Variants in SORCS3 observed in about 807,000 individuals in gnomAD.
SORCS3 encodes VPS10 domain-containing receptor SorCS3.
In SORCS3, 57 loss-of-function variants were observed where a neutral mutation model predicts 146.3. The observed-to-expected ratio is 0.39, with a 90% CI of 0.31 to 0.49. The LOEUF is 0.49. SORCS3 is among the 20% of genes least tolerant of loss of function. The pLI is 0.92. For missense variants in SORCS3, 1,341 were observed against 1,575.5 expected (o/e 0.85, Z 2.52); for synonymous variants, 653 against 618.5 (o/e 1.06, Z -0.83).
At chr10:105,205,445 A>G (rs2056597138) in intron 16 of SORCS3, among the ~76,000 whole-genome samples, 1 of 152,172 alleles carries the variant, frequency 6.6e-6, no homozygotes, top group Non-Finnish European at 1.5e-5. Context: ...TAAATCCACC[A>G]GCCTCAAGCG....
intron 7 of SORCS3, among the ~76,000 whole-genome samples, chr10:105,126,082 A>T (rs1176171751): frequency 6.6e-6 from 1 of 152,168 alleles, no homozygotes; most frequent in Non-Finnish European, 1.5e-5. Context: ...TCTTCAAGCA[A>T]AACTTCATTC....
At chr10:105,046,013 G>A (rs1034993298) in intron 5 of SORCS3, among the ~76,000 whole-genome samples, 1 of 152,016 alleles carries the variant, frequency 6.6e-6, no homozygotes, top group Non-Finnish European at 1.5e-5. Context: ...TCTACTTTTT[G>A]TTGAGTCATA....
chr10:105,100,102 C>CT (rs1344663076), intron 6 of SORCS3, among the ~76,000 whole-genome samples: 5 of 152,158 alleles, frequency 3.3e-5, no homozygotes, highest in Admixed American at 6.6e-5. Context: ...ACAATGCTCC[C>CT]TAAAGGGCCT....
At chr10:104,870,862 A>G (rs2018512172) in intron 2 of SORCS3, among the ~76,000 whole-genome samples, 1 of 152,176 alleles carries the variant, frequency 6.6e-6, no homozygotes. Context: ...CCCACCTCTG[A>G]GGCATTCTTC....
intron 25 of SORCS3, among the ~76,000 whole-genome samples, chr10:105,258,387 C>A (rs1311659855): frequency 3.3e-5 from 5 of 152,190 alleles, no homozygotes; most frequent in African/African-American, 9.7e-5. Flanking sequence ...AGATGTACTT[C>A]AATTATATGC....
At chr10:104,709,724 T>A (rs1264083620) in intron 1 of SORCS3, among the ~76,000 whole-genome samples, 2 of 152,162 alleles carry the variant, frequency 1.3e-5, no homozygotes, top group African/African-American at 4.8e-5. Flanking sequence ...AAGCCCATAC[T>A]CTGAAACTGT....
At chr10:104,820,530 C>T (rs2017860892) in intron 1 of SORCS3, among the ~76,000 whole-genome samples, 1 of 152,122 alleles carries the variant, frequency 6.6e-6, no homozygotes, top group Non-Finnish European at 1.5e-5. Flanking sequence ...TCTGAAGATA[C>T]TTTTTGAACA....
At chr10:104,953,119 T>G (rs945108722) in intron 3 of SORCS3, among the ~76,000 whole-genome samples, 1 of 152,228 alleles carries the variant, frequency 6.6e-6, no homozygotes, top group Admixed American at 6.5e-5. Flanking sequence ...CAGAGGAGGA[T>G]AGCTAACCAA....
rs974812563 is a variant in SORCS3 at position 104,912,236 on chromosome 10, C to T, written c.696-3597C>T. Among the ~76,000 whole-genome samples the T allele has an allele frequency of 3.3e-5, 5 of 152,202 alleles. No individual in the cohort carries two copies. In the South Asian group the frequency reaches 6.2e-4, roughly 19 times the overall value. Reference sequence around the variant, plus strand: ...CATTTGAAAATCAGCTCTACAGTCTCGACTTCTAGGCTCCAGCTTCAATGT... The same window carrying T: ...CATTTGAAAATCAGCTCTACAGTCTTGACTTCTAGGCTCCAGCTTCAATGT... On this transcript the variant is annotated intron_variant, in intron 2 of 26. Coordinates refer to ENST00000369701, the MANE Select transcript of SORCS3 (RefSeq NM_014978.3).
intron 2 of SORCS3, among the ~76,000 whole-genome samples, chr10:104,848,424 A>G (rs1006811815): frequency 5.3e-5 from 8 of 152,194 alleles, no homozygotes; most frequent in Admixed American, 3.9e-4. Flanking sequence ...AGAAGTTATT[A>G]GTTTACAAAT....
At chr10:104,817,354 C>G (rs920450711) in intron 1 of SORCS3, among the ~76,000 whole-genome samples, 3 of 136,266 alleles carry the variant, frequency 2.2e-5, no homozygotes, top group African/African-American at 8.2e-5. Context: ...CCTCCTCCCC[C>G]CTCTTCCACC....
chr10:105,117,806 C>A (rs2133762632), intron 7 of SORCS3, among the ~76,000 whole-genome samples: 1 of 152,298 alleles, frequency 6.6e-6, no homozygotes, highest in Admixed American at 6.5e-5. Context: ...TCAAAGGTAT[C>A]TTTGAAGTAT....
chr10:104,748,426 G>A (rs80117662), intron 1 of SORCS3, among the ~76,000 whole-genome samples: 13 of 152,166 alleles, frequency 8.5e-5, no homozygotes, highest in African/African-American at 3.1e-4. Flanking sequence ...AAAATTAAAA[G>A]CAATGGGAAC....
At chr10:105,119,248 G>T (rs189751945) in intron 7 of SORCS3, among the ~76,000 whole-genome samples, 1 of 152,170 alleles carries the variant, frequency 6.6e-6, no homozygotes, top group Non-Finnish European at 1.5e-5. Context: ...TGGCTCTATA[G>T]GTGCACAGAA....
rs189082441 is a variant in SORCS3, at chr10:104,898,416, T to C, written c.696-17417T>C. Among the ~76,000 whole-genome samples, 13 of 152,290 alleles carry C rather than the reference T, an allele frequency of 8.5e-5. No homozygotes were observed. In the East Asian group the frequency reaches 2.3e-3, roughly 27 times the overall value. On this transcript the variant is annotated intron_variant, in intron 2 of 26. Transcript: ENST00000369701. ...TTTTTCTTTTGGTAGGTACGGTATG[T>C]TTCTGGGTATCTCAAGTTAGCTTAA...
chr10:104,676,923 G>A (rs1276856526), intron 1 of SORCS3, among the ~76,000 whole-genome samples: 2 of 152,162 alleles, frequency 1.3e-5, no homozygotes, highest in African/African-American at 4.8e-5. Context: ...TGAGGTTCTT[G>A]TGTTCTGAGA....
intron 13 of SORCS3, among the ~76,000 whole-genome samples, chr10:105,173,622 C>T (rs1201304519): frequency 6.6e-6 from 1 of 152,118 alleles, no homozygotes; most frequent in Non-Finnish European, 1.5e-5. Flanking sequence ...GTTGACAATC[C>T]GTTTATCACA....
intron 4 of SORCS3, among the ~76,000 whole-genome samples, chr10:104,994,089 C>T (rs1183547710): frequency 2.0e-5 from 3 of 152,100 alleles, no homozygotes; most frequent in Non-Finnish European, 2.9e-5. Flanking sequence ...ACCCAGATAC[C>T]AAATGAAGTA....
chr10:104,850,415 T>G (rs1412575189), intron 2 of SORCS3, among the ~76,000 whole-genome samples: 1 of 152,180 alleles, frequency 6.6e-6, no homozygotes, highest in Non-Finnish European at 1.5e-5. Context: ...AAATCCCGTT[T>G]CTACAAAAAA....
Sources: allele counts gnomAD v4.1 joint callset (sites outside exome capture counted in the v4.1 genomes callset), GRCh38; gene constraint gnomAD v4.1.1; transcripts MANE v1.5; gene names NCBI Gene and HGNC (gene_info 2026-07-23, HGNC 2026-07-21).